The following USP30 variants were observed in gnomAD, a reference collection of about 807,000 sequenced individuals.
USP30 encodes ubiquitin carboxyl-terminal hydrolase 30.
Under a neutral mutation model 68.2 loss-of-function variants are expected in USP30, and 41 were observed. The observed-to-expected ratio is 0.60, with a 90% CI of 0.47 to 0.78. USP30 has a LOEUF of 0.78. Ranked by LOEUF, USP30 falls within the 30% of genes least tolerant of loss-of-function variation. USP30 has a pLI of 0.00. For synonymous variants in USP30, 229 were observed against 253.7 expected (o/e 0.90, Z 0.93); for missense variants, 522 against 649.4 (o/e 0.80, Z 2.13).
At chr12:109,052,053 G>A (rs1229948494), upstream of USP30, among the ~76,000 whole-genome samples, 1 of 152,142 alleles carries the variant, frequency 6.6e-6, no homozygotes, top group African/African-American at 2.4e-5. Flanking sequence ...GGGTTCCCTG[G>A]GATGTAAAAT....
upstream of USP30, chr12:109,052,547 G>A: frequency 3.5e-6 from 3 of 860,840 alleles, no homozygotes; most frequent in Non-Finnish European, 4.9e-6. Flanking sequence ...GCTGTCCTGC[G>A]GTCTACGTTC....
In USP30 at chr12:109,052,692, G is replaced by T; in HGVS notation, c.14G>T (p.Arg5Leu). 1 of 1,488,632 alleles carries T rather than the reference G, an allele frequency of 6.7e-7. No individual in the cohort carries two copies. 92.2% of individuals were successfully genotyped at this position (1,488,632 alleles called of 1,614,324 possible). A position where few individuals can be genotyped will look rare whatever the true frequency, so the allele number is the denominator to read the frequency against. Residue 5 changes from arginine to leucine, a missense_variant, in exon 1 of 13, where the codon CGG becomes CTG. Physicochemically the swap from Arg to Leu is moderately radical, Grantham distance 102. Coordinates refer to ENST00000257548, the MANE Select transcript of USP30 (RefSeq NM_032663.5). The stretch of plus-strand genomic sequence containing the variant: ...GGTGCGGCTGCAATGCTGAGCTCCC[G>T]GGCCGAGGCGGCGATGACCGCGGCC... MLSSRAEAAMTAADR... is the reference protein window; with the variant it reads MLSSLAEAAMTAADR...
rs986211163 is a variant in USP30, at chr12:109,065,248, A to G, written c.377-2276A>G. ...TTTTTTTCTCTCACACTCTAGCAGT[A>G]CTGGTCTAGTGTAACATGCTGGGAA... On this transcript the variant is annotated intron_variant, in intron 3 of 12. Coordinates refer to ENST00000257548, the MANE Select transcript of USP30 (RefSeq NM_032663.5). 2.0e-5 allele frequency among the ~76,000 whole-genome samples: 3 copies of G among 152,208 alleles called. No homozygotes were observed. In the South Asian group the frequency reaches 6.2e-4, roughly 31 times the overall value.
At chr12:109,080,079 G>C (rs1423212455) in intron 7 of USP30, among the ~76,000 whole-genome samples, 1 of 152,186 alleles carries the variant, frequency 6.6e-6, no homozygotes, top group Non-Finnish European at 1.5e-5. Context: ...TTAGCTTCCA[G>C]CTGCTACTTT....
At chr12:109,031,433 T>G (rs558468581) in intron 3 of USP30, among the ~76,000 whole-genome samples, 1 of 152,340 alleles carries the variant, frequency 6.6e-6, no homozygotes, top group South Asian at 2.1e-4. Flanking sequence ...AATTTGCCAC[T>G]GACAGTTTCT....
chr12:109,054,836 C>A (rs780076167), intron 1 of USP30: 1 of 152,196 alleles, frequency 6.6e-6, no homozygotes, highest in Non-Finnish European at 1.5e-5. Flanking sequence ...ATTCTGTTGA[C>A]TCTGTCTTGG....
chr12:109,037,077 G>T (rs920728642), intron 3 of USP30, among the ~76,000 whole-genome samples: 1 of 151,922 alleles, frequency 6.6e-6, no homozygotes, highest in South Asian at 2.1e-4. Context: ...TATGCCTGAT[G>T]GAGTCCCACA....
chr12:109,026,030 A>G (rs1342977839), intron 2 of USP30, among the ~76,000 whole-genome samples: 3 of 152,178 alleles, frequency 2.0e-5, no homozygotes, highest in Admixed American at 2.0e-4. Context: ...TTTTATTTTT[A>G]AAACCATGTG....
intron 2 of USP30, among the ~76,000 whole-genome samples, chr12:109,027,143 T>G (rs527449838): frequency 1.8e-4 from 28 of 152,350 alleles, no homozygotes; most frequent in African/African-American, 4.1e-4. Flanking sequence ...GCTTAGAGTA[T>G]ATTCATAATG....
Position 109,066,334 on chromosome 12 carries a change from T to G in USP30, c.377-1190T>G, listed in dbSNP as rs1037835946. Among the ~76,000 whole-genome samples the G allele has an allele frequency of 2.0e-5, 3 of 151,488 alleles. No individual in the cohort carries two copies. In the East Asian group the frequency reaches 5.8e-4, roughly 29 times the overall value. ...TGCCAATCCTTGGTCTAGAAGTAAT[T>G]ATAATATAAATAAGCCCATCAAACT... On this transcript the variant is annotated intron_variant, in intron 3 of 12. Transcript: ENST00000257548.
chr12:109,060,568 G>A (rs143566199), intron 3 of USP30, among the ~76,000 whole-genome samples: 22 of 152,194 alleles, frequency 1.4e-4, no homozygotes, highest in South Asian at 2.1e-4. Context: ...CGCTGCCAGC[G>A]TTCATCTAAT....
intron 3 of USP30, among the ~76,000 whole-genome samples, chr12:109,032,960 G>T (rs985946132): frequency 6.6e-6 from 1 of 152,162 alleles, no homozygotes; most frequent in Non-Finnish European, 1.5e-5. Context: ...AGACTGACAA[G>T]CTGCCCCTTA....
intron 10 of USP30, 29 bp from the exon 11 acceptor site, chr12:109,082,814 G>T: frequency 6.2e-7 from 1 of 1,610,166 alleles, no homozygotes; most frequent in Non-Finnish European, 8.5e-7. Flanking sequence ...GAAACAACTC[G>T]GTTCTCCCGA....
At position 109,070,202 on chromosome 12, in the gene USP30, G is replaced by A. The variant is rs932848213; in HGVS notation, c.481-1410G>A. On this transcript the variant is annotated intron_variant, in intron 4 of 12. Coordinates refer to ENST00000257548, the MANE Select transcript of USP30 (RefSeq NM_032663.5). The surrounding 1 kb of genome is among the most constrained non-coding windows in gnomAD (Gnocchi z 4.0). ...GGGAGGCCGCTGCAGTTATCTGGCC[G>A]AGATGGTGTGGCTCAGACTGGGGTC... Among the ~76,000 whole-genome samples the A allele has an allele frequency of 3.3e-5, 5 of 152,180 alleles. No individual in the cohort carries two copies. Among genetic ancestry groups the A allele is most frequent in the Admixed American group, 6.5e-5 (1 of 15,276 alleles).
At position 109,082,702 on chromosome 12, in the gene USP30, C is replaced by T; in HGVS notation, c.907C>T (p.His303Tyr). The T allele has an allele frequency of 6.2e-7, 1 of 1,614,226 alleles. No individual in the cohort carries two copies. Among genetic ancestry groups the T allele is most frequent in the East Asian group, 2.2e-5 (1 of 44,896 alleles). Residue 303 changes from histidine (H) to tyrosine (Y), a missense_variant, in exon 10 of 13, where the codon CAC becomes TAC. His to Tyr is a moderately conservative substitution (Grantham distance 83). Coordinates refer to ENST00000257548, the MANE Select transcript of USP30 (RefSeq NM_032663.5). ...KGTLNGEKVE[H>Y]QRTTFVKQLK... ...AACGTTGAACGGGGAAAAGGTGGAA[C>T]ACCAGAGGACCACTTTTGTTAAACA...
intron 7 of USP30, 152 bp from the exon 8 acceptor site, chr12:109,081,182 T>C (rs2041784978): frequency 1.4e-6 from 1 of 690,824 alleles, no homozygotes; most frequent in Admixed American, 3.0e-5. Flanking sequence ...TTTAATATGT[T>C]TTAATAGAAT....
intron 1 of USP30, among the ~76,000 whole-genome samples, chr12:109,055,765 A>G (rs2040852791): frequency 6.6e-6 from 1 of 150,956 alleles, no homozygotes; most frequent in South Asian, 2.1e-4. Context: ...ATTAGTGGGT[A>G]AAACAAAGCA....
At chr12:109,073,260 T>C (rs547888118) in intron 6 of USP30, among the ~76,000 whole-genome samples, 178 bp from the exon 7 acceptor site, 1 of 152,322 alleles carries the variant, frequency 6.6e-6, no homozygotes, top group African/African-American at 2.4e-5. Flanking sequence ...TAAATTCTCC[T>C]ATGAAGGAAT....
rs1224546192 is a variant in USP30, at chr12:109,061,266, G to C, written c.376+3158G>C. Reference sequence around the variant, plus strand: ...TGTCCACATGAGTTATCCTAACCCTGACCTCAGCACTGCCCTTATCCTTCA... The same window carrying C: ...TGTCCACATGAGTTATCCTAACCCTCACCTCAGCACTGCCCTTATCCTTCA... On this transcript the variant is annotated intron_variant, in intron 3 of 12. Coordinates refer to ENST00000257548, the MANE Select transcript of USP30 (RefSeq NM_032663.5). Among the ~76,000 whole-genome samples, 3 of 152,132 alleles carry C rather than the reference G, an allele frequency of 2.0e-5. 1 individual carries two copies. Among genetic ancestry groups the C allele is most frequent in the Non-Finnish European group, 1.5e-5 (1 of 68,008 alleles).
Sources: gnomAD v4.1 joint callset for allele counts (sites outside exome capture counted in the v4.1 genomes callset) on GRCh38, gnomAD v4.1.1 for gene constraint, Gnocchi (gnomAD v3.1) non-coding constraint, MANE v1.5 for transcripts, NCBI Gene and HGNC (gene_info 2026-07-23, HGNC 2026-07-21) for gene names.